The following XIRP2 variants were observed in gnomAD, a reference collection of about 807,000 sequenced individuals.
The protein encoded by XIRP2 is xin actin binding repeat containing 2.
A neutral mutation model predicts 277.0 loss-of-function variants in XIRP2; 236 were observed. The observed-to-expected ratio is 0.85, with a 90% CI of 0.77 to 0.95. The LOEUF is 0.95. Ranked by LOEUF, XIRP2 falls within the 40% of genes least tolerant of loss-of-function variation. The pLI, the probability that XIRP2 is intolerant of heterozygous loss-of-function variation, is 0.00. For synonymous variants in XIRP2, 1,490 were observed against 1,416.5 expected, an observed-to-expected ratio of 1.05 and a Z score of -1.17; for missense variants, 4,640 against 4,157.5, an observed-to-expected ratio of 1.12 and a Z score of -3.19.
At chr2:167,072,591 C>T (rs769828179) in intron 2 of XIRP2, among the ~76,000 whole-genome samples, 2 of 152,158 alleles carry the variant, frequency 1.3e-5, no homozygotes, top group Admixed American at 6.5e-5. Flanking sequence ...ATATCCTCAA[C>T]CCCAGCAGTG....
chr2:166,912,664 T>C (rs1181248536), intron 2 of XIRP2, among the ~76,000 whole-genome samples: 1 of 152,224 alleles, frequency 6.6e-6, no homozygotes, highest in East Asian at 1.9e-4. Context: ...GCTGCATTCC[T>C]TTGGAGGGGG....
At chr2:167,102,771 T>TCC (rs1248730999) in intron 2 of XIRP2, among the ~76,000 whole-genome samples, 1 of 152,184 alleles carries the variant, frequency 6.6e-6, no homozygotes, top group Non-Finnish European at 1.5e-5. Context: ...GTTTATAGTG[T>TCC]CATATTTATT....
intron 3 of XIRP2, among the ~76,000 whole-genome samples, chr2:167,201,420 A>G (rs1226944071): frequency 1.3e-5 from 2 of 151,872 alleles, no homozygotes; most frequent in African/African-American, 4.8e-5. Context: ...TGTGATGCGG[A>G]TTTAGACAAG....
chr2:167,151,473 A>G (rs1467172112), intron 3 of XIRP2, among the ~76,000 whole-genome samples: 2 of 152,142 alleles, frequency 1.3e-5, no homozygotes, highest in East Asian at 3.8e-4. Flanking sequence ...CAAAAAATAA[A>G]GATGATAGGA....
At chr2:166,946,538 C>T (rs1023097089) in intron 2 of XIRP2, among the ~76,000 whole-genome samples, 3 of 151,952 alleles carry the variant, frequency 2.0e-5, no homozygotes, top group African/African-American at 7.3e-5. Context: ...AGATATGTAC[C>T]AGTGATATTG....
At chr2:167,212,563 A>G (rs1391019584) in intron 4 of XIRP2, among the ~76,000 whole-genome samples, 1 of 152,206 alleles carries the variant, frequency 6.6e-6, no homozygotes. Context: ...GAATTTAGTA[A>G]TCTTCTCTTC....
intron 2 of XIRP2, among the ~76,000 whole-genome samples, chr2:167,097,947 G>A (rs1330537936): frequency 6.6e-6 from 1 of 152,188 alleles, no homozygotes; most frequent in Non-Finnish European, 1.5e-5. Flanking sequence ...CCCTTTGTGG[G>A]TAACCTAACC....
At chr2:166,915,542 T>G (rs1470219989) in intron 2 of XIRP2, among the ~76,000 whole-genome samples, 1 of 152,144 alleles carries the variant, frequency 6.6e-6, no homozygotes. Context: ...CCTTCTTCTT[T>G]GAAGCTTCCA....
chr2:167,046,388 A>G (rs1212681602), intron 2 of XIRP2, among the ~76,000 whole-genome samples: 5 of 151,860 alleles, frequency 3.3e-5, no homozygotes, highest in Non-Finnish European at 7.4e-5. Flanking sequence ...TTTGATGCCT[A>G]AGGTGTGGAG....
In XIRP2 at chr2:167,245,716, A is replaced by G. The variant is rs1156456913; in HGVS notation, c.4324A>G (p.Asn1442Asp). The change falls in exon 9 of 11, where the codon AAT becomes GAT. Residue 1442 changes from asparagine to aspartate, a missense_variant. Physicochemically the swap from Asn to Asp is conservative, Grantham distance 23 (BLOSUM62 1). Coordinates refer to ENST00000409195, the MANE Select transcript of XIRP2 (RefSeq NM_152381.6). ...KNNYIRTVSV[N>D]EIQKGNVKTS... ...TAACTATATACGAACAGTAAGTGTC[A>G]ATGAAATACAAAAGGGCAATGTTAA... is the stretch of plus-strand genomic sequence containing the variant. The G allele has an allele frequency of 6.2e-7, 1 of 1,613,692 alleles. No homozygotes were observed. Among genetic ancestry groups the G allele is most frequent in the South Asian group, 1.1e-5 (1 of 91,078 alleles).
intron 2 of XIRP2, among the ~76,000 whole-genome samples, chr2:166,967,291 T>C (rs1686458797): frequency 6.6e-6 from 1 of 151,926 alleles, no homozygotes; most frequent in Non-Finnish European, 1.5e-5. Flanking sequence ...AAAAACCCAT[T>C]GCTTTCAAGA....
intron 5 of XIRP2, among the ~76,000 whole-genome samples, chr2:167,239,228 A>G (rs1015427374): frequency 1.3e-5 from 2 of 152,150 alleles, no homozygotes; most frequent in African/African-American, 2.4e-5. Context: ...CATCTTTCTC[A>G]TACTGGGTAA....
At position 167,249,002 on chromosome 2, in the gene XIRP2, T is replaced by A; in HGVS notation, c.7610T>A (p.Met2537Lys). 1 of 1,611,176 alleles carries A rather than the reference T, an allele frequency of 6.2e-7. No homozygotes were observed. Among genetic ancestry groups the A allele is most frequent in the South Asian group, 1.1e-5 (1 of 90,458 alleles). ...GGACAACAAAATCCAAAACCTTATA[T>A]GAGAAAATTTAAGACACCTTTAATG... Reference protein sequence around the residue: ...SSGQQNPKPYMRKFKTPLMIA... With the variant: ...SSGQQNPKPYKRKFKTPLMIA... The change falls in exon 9 of 11, where the codon ATG (methionine) becomes AAG (lysine). Residue 2537 changes from methionine to lysine, a missense_variant. Coordinates refer to ENST00000409195, the MANE Select transcript of XIRP2 (RefSeq NM_152381.6).
chr2:167,086,189 C>T (rs1259053789), intron 2 of XIRP2, among the ~76,000 whole-genome samples: 1 of 151,956 alleles, frequency 6.6e-6, no homozygotes, highest in East Asian at 1.9e-4. Flanking sequence ...TTTTATTTCT[C>T]CTGCACTTAT....
intron 3 of XIRP2, among the ~76,000 whole-genome samples, chr2:167,207,798 A>T (rs1693902834): frequency 6.6e-6 from 1 of 152,058 alleles, no homozygotes; most frequent in Non-Finnish European, 1.5e-5. Context: ...AAATGTAAAT[A>T]TTTTTTCCAA....
chr2:167,245,616 C>G lies in XIRP2; in HGVS notation c.4224C>G (p.Pro1408=). The G allele has an allele frequency of 1.2e-6, 2 of 1,613,522 alleles. No individual in the cohort carries two copies. The highest frequency in any genetic ancestry group is 1.3e-5 in the African/African-American group (1 of 74,974). Residue 1408 remains proline (P), a synonymous_variant, in exon 9 of 11, where the codon CCC becomes CCG. Coordinates refer to ENST00000409195, the MANE Select transcript of XIRP2 (RefSeq NM_152381.6). The part of the protein sequence containing the change: ...QISEESHNIM[P]SIDHIQGGNV... ...CTGAAGAATCACATAATATTATGCC[C>G]AGTATTGACCATATACAAGGTGGCA...
chr2:167,251,828 A>AT lies in XIRP2; in HGVS notation c.10440dup (p.Gln3481SerfsTer12). Reference sequence around the variant, plus strand: ...GATTCACCTAAAGAAGTAAGAAAAAATTTTCAAAAGACGTGGCAAGAGAGT... The same window carrying AT: ...GATTCACCTAAAGAAGTAAGAAAAAATTTTTCAAAAGACGTGGCAAGAGAGT... On this transcript the variant is annotated frameshift_variant, in exon 9 of 11. Coordinates refer to ENST00000409195, the MANE Select transcript of XIRP2 (RefSeq NM_152381.6). LOFTEE classifies it high-confidence loss of function. 1 of 1,613,290 alleles carries AT rather than the reference A, an allele frequency of 6.2e-7. No homozygotes were observed. Among genetic ancestry groups the AT allele is most frequent in the Non-Finnish European group, 8.5e-7 (1 of 1,179,566 alleles).
chr2:166,967,011 C>A (rs1376056444), intron 2 of XIRP2, among the ~76,000 whole-genome samples: 2 of 151,928 alleles, frequency 1.3e-5, no homozygotes, highest in Non-Finnish European at 2.9e-5. Flanking sequence ...ATTTGAGAAG[C>A]ACTGCATCTA....
intron 2 of XIRP2, among the ~76,000 whole-genome samples, chr2:166,984,717 T>C (rs191756604): frequency 9.0e-4 from 137 of 152,308 alleles, no homozygotes; most frequent in Non-Finnish European, 1.7e-3. Flanking sequence ...TTCTAATGAT[T>C]ATGAAAACAC....
Sources: gnomAD v4.1 joint callset for allele counts (sites outside exome capture counted in the v4.1 genomes callset) on GRCh38, gnomAD v4.1.1 for gene constraint, MANE v1.5 for transcripts, NCBI Gene and HGNC (gene_info 2026-07-23, HGNC 2026-07-21) for gene names.